CCDC88A: variants seen among roughly 807,000 people sequenced by gnomAD.
CCDC88A encodes the protein girdin.
Under a neutral mutation model 234.3 loss-of-function variants are expected in CCDC88A, and 54 were observed. The ratio of observed to expected loss-of-function variants is 0.23; its 90% CI spans 0.19 to 0.29. The LOEUF is 0.29. CCDC88A is among the 10% of genes least tolerant of loss of function. The pLI, the probability that CCDC88A is intolerant of heterozygous loss-of-function variation, is 1.00. For synonymous variants in CCDC88A, 753 were observed against 737.8 expected (o/e 1.02, Z -0.33); for missense variants, 1,832 against 2,123.4 (o/e 0.86, Z 2.70).
chr2:55,372,429 T>C (rs758731964), intron 5 of CCDC88A, 23 bp downstream of exon 5: 2 of 1,243,026 alleles, frequency 1.6e-6, no homozygotes, highest in South Asian at 1.4e-5. Context: ...AAAATGAAAA[T>C]ATGAAAAAAT....
At chr2:55,357,437 C>T (rs757488536) in intron 7 of CCDC88A, among the ~76,000 whole-genome samples, 7 of 151,604 alleles carry the variant, frequency 4.6e-5, no homozygotes, top group Non-Finnish European at 1.0e-4. Flanking sequence ...CACAAACCTC[C>T]CTTTCATTTT....
At chr2:55,358,043 G>GATT (rs1490774698) in intron 7 of CCDC88A, among the ~76,000 whole-genome samples, 3 of 152,100 alleles carry the variant, frequency 2.0e-5, no homozygotes, top group African/African-American at 4.8e-5. Flanking sequence ...CAGTCCAAGA[G>GATT]ATTATTCCTG....
intron 9 of CCDC88A, among the ~76,000 whole-genome samples, chr2:55,346,577 G>A (rs1669138716): frequency 6.6e-6 from 1 of 151,928 alleles, no homozygotes; most frequent in South Asian, 2.1e-4. Flanking sequence ...CCCCCACCAT[G>A]CCCGGCTAAT....
rs549852369 is a variant in CCDC88A, at chr2:55,390,811, G to C, written c.165-1925C>G. On this transcript the variant is annotated intron_variant, in intron 2 of 32. Transcript: ENST00000436346. ...AAGAAAAGGGAGCTACACTAACAAA[G>C]GGCTCCAAAAATCTGCCTTTAAGAT... Among the ~76,000 whole-genome samples, 236 of 152,244 alleles carry C rather than the reference G, an allele frequency of 1.6e-3. 1 individual carries two copies. Among genetic ancestry groups the C allele is most frequent in the Non-Finnish European group, 2.8e-3 (188 of 68,012 alleles).
chr2:55,341,030 AC>A (rs1342165862), intron 12 of CCDC88A, among the ~76,000 whole-genome samples: 1 of 151,882 alleles, frequency 6.6e-6, no homozygotes, highest in East Asian at 1.9e-4. Context: ...TTTTTTTGAT[AC>A]CACATATAAA....
intron 2 of CCDC88A, among the ~76,000 whole-genome samples, chr2:55,410,604 G>A (rs1437224658): frequency 2.0e-5 from 3 of 152,080 alleles, no homozygotes; most frequent in African/African-American, 7.2e-5. Flanking sequence ...ATTAAAGTAG[G>A]CCAGGCACAC....
intron 2 of CCDC88A, among the ~76,000 whole-genome samples, chr2:55,396,175 G>A (rs1677515836): frequency 6.6e-6 from 1 of 152,108 alleles, no homozygotes; most frequent in Non-Finnish European, 1.5e-5. Context: ...AAAAGCTTGG[G>A]CTAGTCAAGC....
intron 11 of CCDC88A, chr2:55,344,054 A>C (rs950782552): frequency 1.1e-5 from 4 of 370,364 alleles, no homozygotes; most frequent in African/African-American, 4.2e-5. Flanking sequence ...GATACAACAA[A>C]AGAATTATGA....
intron 9 of CCDC88A, among the ~76,000 whole-genome samples, chr2:55,347,208 TGA>T (rs1669251901): frequency 6.6e-6 from 1 of 152,212 alleles, no homozygotes; most frequent in Non-Finnish European, 1.5e-5. Flanking sequence ...TAATGTCATT[TGA>T]GACAAATATT....
At position 55,419,307 on chromosome 2, in the gene CCDC88A, G is replaced by C. The variant is rs555204478; in HGVS notation, c.-228C>G. The stretch of plus-strand genomic sequence containing the variant: ...CGACGGACACCACGAGCAGCAGCCT[G>C]CGCTGGAAATGTCTGTACCGGGCGA... On this transcript the variant is annotated 5_prime_UTR_variant, in exon 1 of 33. Coordinates refer to ENST00000436346, the MANE Select transcript of CCDC88A (RefSeq NM_001365480.1). 9.0e-4 allele frequency: 475 copies of C among 527,292 alleles called. No homozygotes were observed. The highest frequency in any genetic ancestry group is 1.3e-3 in the Non-Finnish European group (386 of 293,412). The allele number at this position is 527,292 out of a possible 1,614,324, so 32.7% of individuals were successfully genotyped here. A position where few individuals can be genotyped will look rare whatever the true frequency, so the allele number is the denominator to read the frequency against.
intron 29 of CCDC88A, among the ~76,000 whole-genome samples, chr2:55,297,355 A>AT (rs1680254327): frequency 1.0e-5 from 1 of 97,196 alleles, no homozygotes; most frequent in Non-Finnish European, 1.8e-5. Flanking sequence ...TATTATATAT[A>AT]AATATATATA....
At chr2:55,364,910 T>A (rs549877083) in intron 5 of CCDC88A, among the ~76,000 whole-genome samples, 9 of 152,104 alleles carry the variant, frequency 5.9e-5, no homozygotes, top group Non-Finnish European at 1.3e-4. Flanking sequence ...CTGCCTTGTC[T>A]AACTTAGATG....
In CCDC88A at chr2:55,318,873, G is replaced by A. The variant is rs557982206; in HGVS notation, c.3294C>T (p.Thr1098=). 9.1e-5 allele frequency: 147 copies of A among 1,611,090 alleles called. No homozygotes were observed. Among genetic ancestry groups the A allele is most frequent in the Admixed American group, 3.3e-4 (20 of 59,968 alleles). Residue 1098 remains threonine, a synonymous_variant, in exon 19 of 33, where the codon ACC becomes ACT. Coordinates refer to ENST00000436346, the MANE Select transcript of CCDC88A (RefSeq NM_001365480.1). ...GCTTGGCATTCTGTGTTTGAAGAGT[G>A]GTATTCTGTTCTTGTAATGACACTG... is the stretch of plus-strand genomic sequence containing the variant. The part of the protein sequence containing the change: ...RQTVSLQEQN[T]TLQTQNAKLQ...
At chr2:55,355,383 A>C in intron 8 of CCDC88A, 196 bp downstream of exon 8, 1 of 532,786 alleles carries the variant, frequency 1.9e-6, no homozygotes, top group South Asian at 2.4e-5. Flanking sequence ...GAAAGGCCAT[A>C]AATCCAGAAT....
chr2:55,411,016 T>C (rs536031855), intron 2 of CCDC88A, among the ~76,000 whole-genome samples: 11 of 152,216 alleles, frequency 7.2e-5, no homozygotes, highest in South Asian at 4.1e-4. Context: ...TATTAAATGA[T>C]TGATTCAGGA....
At chr2:55,387,778 T>C (rs1423784334) in intron 3 of CCDC88A, among the ~76,000 whole-genome samples, 3 of 39,866 alleles carry the variant, frequency 7.5e-5, no homozygotes, top group African/African-American at 1.5e-4. Context: ...AGGCTCCATC[T>C]CAAAAAAAAA....
intron 28 of CCDC88A, chr2:55,300,803 C>T: frequency 6.1e-6 from 1 of 163,364 alleles, no homozygotes; most frequent in East Asian, 1.9e-4. Flanking sequence ...GAGCCACTGT[C>T]CCTGGCCCAA....
At chr2:55,315,076 G>A (rs892031704) in intron 22 of CCDC88A, 2 of 152,246 alleles carry the variant, frequency 1.3e-5, no homozygotes, top group African/African-American at 4.8e-5. Context: ...CACTGAGGCT[G>A]ACTCATTTCT....
At chr2:55,355,387 C>A in intron 8 of CCDC88A, 192 bp downstream of exon 8, 1 of 531,164 alleles carries the variant, frequency 1.9e-6, no homozygotes, top group Non-Finnish European at 3.3e-6. Flanking sequence ...GGCCATAAAT[C>A]CAGAATAAAA....
Sources: gnomAD v4.1 joint callset for allele counts (sites outside exome capture counted in the v4.1 genomes callset) on GRCh38, gnomAD v4.1.1 for gene constraint, MANE v1.5 for transcripts, NCBI Gene and HGNC (gene_info 2026-07-23, HGNC 2026-07-21) for gene names.